PIK3R3: variants seen among roughly 807,000 people sequenced by gnomAD.
The protein encoded by PIK3R3 is phosphoinositide-3-kinase regulatory subunit 3, also known as phosphatidylinositol 3-kinase regulatory subunit gamma.
PIK3R3 carries 64 observed loss-of-function variants against 62.9 expected under a neutral mutation model. The observed-to-expected ratio is 1.02, with a 90% CI of 0.83 to 1.25. The LOEUF is 1.25. Ranked by LOEUF, PIK3R3 falls within the 50% of genes most tolerant of loss-of-function variation. The pLI is 0.00. For missense variants in PIK3R3, 614 were observed against 561.6 expected (o/e 1.09, Z -0.94); for synonymous variants, 165 against 189.0 (o/e 0.87, Z 1.04).
intron 3 of PIK3R3, among the ~76,000 whole-genome samples, chr1:46,068,222 T>A (rs956116709): frequency 4.6e-5 from 7 of 152,230 alleles, no homozygotes; most frequent in Admixed American, 4.6e-4. Context: ...ATACAGTTAC[T>A]ATAAATGTGT....
the PIK3R3 span, among the ~76,000 whole-genome samples, chr1:46,143,000 G>A: frequency 2.0e-5 from 3 of 152,214 alleles, no homozygotes; most frequent in East Asian, 1.9e-4. Context: ...AGAGTCCTGT[G>A]TAGATTTGTG....
chr1:46,055,998 C>T (rs1571368693), intron 6 of PIK3R3, 27 bp from the exon 7 acceptor site: 2 of 1,495,528 alleles, frequency 1.3e-6, no homozygotes, highest in Non-Finnish European at 1.8e-6. Flanking sequence ...CATGTTAAGG[C>T]TAAAATAGAA....
chr1:46,107,839 C>T (rs1354515932), intron 1 of PIK3R3, among the ~76,000 whole-genome samples: 1 of 152,046 alleles, frequency 6.6e-6, no homozygotes, highest in Non-Finnish European at 1.5e-5. Context: ...GCTTTTTTAA[C>T]TAAAAATTAA....
chr1:46,160,748 G>A, the PIK3R3 span, among the ~76,000 whole-genome samples: 1 of 152,206 alleles, frequency 6.6e-6, no homozygotes, highest in South Asian at 2.1e-4. Flanking sequence ...TGCCCCACTT[G>A]GGTGAAATGC....
At chr1:46,130,239 T>C (rs965155741) in intron 1 of PIK3R3, among the ~76,000 whole-genome samples, 1 of 152,234 alleles carries the variant, frequency 6.6e-6, no homozygotes, top group East Asian at 1.9e-4. Context: ...ATAATTCTTA[T>C]AACAGGAATC....
chr1:46,166,017 G>A, the PIK3R3 span, among the ~76,000 whole-genome samples: 1 of 150,422 alleles, frequency 6.6e-6, no homozygotes, highest in Non-Finnish European at 1.5e-5. Context: ...CTCGTGATTC[G>A]CCCGCCTCGG....
intron 5 of PIK3R3, among the ~76,000 whole-genome samples, chr1:46,062,542 T>C: frequency 6.6e-6 from 1 of 151,776 alleles, no homozygotes; most frequent in East Asian, 1.9e-4. Flanking sequence ...GCCACTGCAC[T>C]CCAGCCTGGG....
intron 7 of PIK3R3, among the ~76,000 whole-genome samples, chr1:46,052,999 T>C (rs1422935185): frequency 6.6e-6 from 1 of 152,226 alleles, no homozygotes; most frequent in Non-Finnish European, 1.5e-5. Flanking sequence ...CGTATTTTAC[T>C]ACCAGTCTTC....
intron 1 of PIK3R3, among the ~76,000 whole-genome samples, chr1:46,091,080 T>C (rs1651586167): frequency 6.6e-6 from 1 of 151,832 alleles, no homozygotes; most frequent in Non-Finnish European, 1.5e-5. Flanking sequence ...TCTTCTCGCC[T>C]CACCCTCCTG....
chr1:46,156,010 C>T, the PIK3R3 span, among the ~76,000 whole-genome samples: 2 of 151,976 alleles, frequency 1.3e-5, no homozygotes, highest in African/African-American at 2.4e-5. Context: ...AAAAGTTTGT[C>T]GACCCCTGGT....
chr1:46,105,128 C>T lies in PIK3R3; in HGVS notation c.107-24378G>A. On this transcript the variant is annotated intron_variant, in intron 1 of 9. Coordinates refer to ENST00000262741, the MANE Select transcript of PIK3R3 (RefSeq NM_003629.4). ...AACTCAAATTGGAATAGAATGGAAC[C>T]TGTCCCCTGATGGGAGAGTCACTCC... 4.2e-6 allele frequency: 3 copies of T among 709,986 alleles called. No individual in the cohort carries two copies. In the East Asian group the frequency reaches 7.6e-5, roughly 18 times the overall value. 44.0% of individuals were successfully genotyped at this position (709,986 alleles called of 1,614,324 possible). A position where few individuals can be genotyped will look rare whatever the true frequency, so the allele number is the denominator to read the frequency against.
intron 1 of PIK3R3, among the ~76,000 whole-genome samples, chr1:46,129,401 T>TTTTTTTTAGTTA (rs375178162): frequency 0.074 from 9,797 of 131,574 alleles, 477 homozygotes; most frequent in Non-Finnish European, 0.11. Context: ...AATTGGGGGA[T>TTTTTTTTAGTTA]TTTATTTATT....
intron 1 of PIK3R3, among the ~76,000 whole-genome samples, chr1:46,088,309 A>T (rs550672728): frequency 9.7e-5 from 14 of 144,322 alleles, no homozygotes; most frequent in African/African-American, 2.9e-4. Flanking sequence ...AACTTAAAAT[A>T]AAAAAACAAC....
chr1:46,074,046 T>C (rs1649800104), intron 3 of PIK3R3, among the ~76,000 whole-genome samples: 2 of 147,372 alleles, frequency 1.4e-5, no homozygotes, highest in South Asian at 4.4e-4. Context: ...TCCCAGCACT[T>C]TGGGAGGCCG....
In PIK3R3 at chr1:46,105,089, T is replaced by C. The variant is rs544121857; in HGVS notation, c.107-24339A>G. 2.4e-5 allele frequency: 18 copies of C among 738,944 alleles called. No individual in the cohort carries two copies. In the East Asian group the frequency reaches 4.2e-4, roughly 17 times the overall value. 45.8% of individuals were successfully genotyped at this position (738,944 alleles called of 1,614,324 possible). On this transcript the variant is annotated intron_variant, in intron 1 of 9. Transcript: ENST00000262741. ...TGGAGCCACTTTCTCTATTGCTGTA[T>C]GGACTTATGTAGCAACTCAAATTGG... is the stretch of plus-strand genomic sequence containing the variant.
At chr1:46,062,313 C>T (rs967337658) in intron 5 of PIK3R3, among the ~76,000 whole-genome samples, 1 of 152,218 alleles carries the variant, frequency 6.6e-6, no homozygotes, top group African/African-American at 2.4e-5. Flanking sequence ...TGGTGGCTTA[C>T]ACCTGTGATC....
chr1:46,164,779 C>T, the PIK3R3 span, among the ~76,000 whole-genome samples: 1 of 152,072 alleles, frequency 6.6e-6, no homozygotes, highest in Non-Finnish European at 1.5e-5. Flanking sequence ...TCTTACCTAC[C>T]TGGTTTTGCT....
the PIK3R3 span, among the ~76,000 whole-genome samples, chr1:46,162,091 CAA>C: frequency 4.5e-4 from 26 of 58,094 alleles, no homozygotes; most frequent in Non-Finnish European, 4.4e-4. Flanking sequence ...GACTCCGTCT[CAA>C]AAAAAAAAAA....
chr1:46,132,960 G>C (rs41285910), upstream of PIK3R3: 12,935 of 1,119,688 alleles, frequency 0.012, 131 homozygotes, highest in South Asian at 0.038. Context: ...TCAGTGCCGG[G>C]AGCACGCGAG....
Sources: allele counts gnomAD v4.1 joint callset (sites outside exome capture counted in the v4.1 genomes callset), GRCh38; gene constraint gnomAD v4.1.1; transcripts MANE v1.5; gene names NCBI Gene and HGNC (gene_info 2026-07-23, HGNC 2026-07-21).